The following AKAP7 variants were observed in gnomAD, a reference collection of about 807,000 sequenced individuals.
AKAP7 encodes the protein A-kinase anchoring protein 7.
In AKAP7, 39 loss-of-function variants were observed where a neutral mutation model predicts 39.5. The ratio of observed to expected loss-of-function variants is 0.99; its 90% CI spans 0.76 to 1.29. The LOEUF (loss-of-function observed/expected upper bound fraction) is 1.29, where lower values mean the gene tolerates loss of function less well. AKAP7 is among the 50% of genes most tolerant of loss of function. The pLI is 0.00. For missense variants in AKAP7, 414 were observed against 407.7 expected, an observed-to-expected ratio of 1.02 and a Z score of -0.13; for synonymous variants, 140 against 139.1, an observed-to-expected ratio of 1.01 and a Z score of -0.05.
chr6:131,202,957 T>A (rs1807741839), intron 6 of AKAP7, among the ~76,000 whole-genome samples: 1 of 152,090 alleles, frequency 6.6e-6, no homozygotes, highest in South Asian at 2.1e-4. Context: ...GGTTGAAGCT[T>A]CAGATTTCCA....
At chr6:131,226,613 C>A (rs1810185634) in intron 7 of AKAP7, among the ~76,000 whole-genome samples, 1 of 152,200 alleles carries the variant, frequency 6.6e-6, no homozygotes, top group Admixed American at 6.5e-5. Flanking sequence ...CAGCTGTGTT[C>A]CATTTGTATT....
chr6:131,175,910 T>C (rs896216841), intron 5 of AKAP7, among the ~76,000 whole-genome samples: 18 of 152,146 alleles, frequency 1.2e-4, no homozygotes, highest in African/African-American at 4.1e-4. Context: ...TCATCAAACA[T>C]AGCATAAAAA....
At chr6:131,154,212 A>C (rs623341) in intron 2 of AKAP7, among the ~76,000 whole-genome samples, 40,192 of 151,244 alleles carry the variant, frequency 0.27, 5,813 homozygotes, top group African/African-American at 0.36. Flanking sequence ...CTGCCTCAGA[A>C]AAAAAAAAGT....
chr6:131,238,844 G>T (rs544448408), intron 7 of AKAP7, among the ~76,000 whole-genome samples: 1 of 152,054 alleles, frequency 6.6e-6, no homozygotes, highest in African/African-American at 2.4e-5. Context: ...ACACTGATAG[G>T]TCTTGACTCT....
At position 131,253,191 on chromosome 6, in the gene AKAP7, C is replaced by T. The variant is rs901526551; in HGVS notation, c.851-28339C>T. 2.0e-5 allele frequency: 25 copies of T among 1,263,498 alleles called. No homozygotes were observed. The African/African-American group carries it at 3.0e-4, about 15-fold the overall frequency. 78.3% of individuals were successfully genotyped at this position (1,263,498 alleles called of 1,614,324 possible). On this transcript the variant is annotated intron_variant, in intron 7 of 7. Coordinates refer to ENST00000431975, the MANE Select transcript of AKAP7 (RefSeq NM_016377.4). ...GTGGTGGTGGTAGATAGAAATAATT[C>T]TAATTTAATTGATTTATTAGTGCTA...
At chr6:131,215,872 C>T (rs1470731950) in intron 6 of AKAP7, among the ~76,000 whole-genome samples, 2 of 152,188 alleles carry the variant, frequency 1.3e-5, no homozygotes, top group Non-Finnish European at 2.9e-5. Context: ...TCTTAAATCA[C>T]ATTCTTAATT....
At chr6:131,219,909 C>G in intron 7 of AKAP7, 101 bp downstream of exon 7, 1 of 770,994 alleles carries the variant, frequency 1.3e-6, no homozygotes, top group Non-Finnish European at 1.9e-6. Flanking sequence ...ACGTTTTTCT[C>G]AATGATATAC....
intron 2 of AKAP7, among the ~76,000 whole-genome samples, chr6:131,155,266 G>T (rs1203594928): frequency 1.3e-5 from 2 of 152,132 alleles, no homozygotes; most frequent in Non-Finnish European, 2.9e-5. Context: ...CTCCCACCTA[G>T]GTCTCACAAA....
intron 1 of AKAP7, among the ~76,000 whole-genome samples, chr6:131,143,738 CTTTTTT>C (rs768597844): frequency 2.1e-5 from 3 of 142,832 alleles, no homozygotes; most frequent in Non-Finnish European, 4.6e-5. Context: ...TAGCCATATT[CTTTTTT>C]TTTTTTTATT....
rs374239226 is a variant in AKAP7, at chr6:131,168,444, A to AAG, written c.429-650_429-649dup. The stretch of plus-strand genomic sequence containing the variant: ...AGAGAAAGAGACAGAAGGAGACAGA[A>AAG]AGAGAGAGAGAGAGAGAGAGGGAGA... On this transcript the variant is annotated intron_variant, in intron 4 of 7. Coordinates refer to ENST00000431975, the MANE Select transcript of AKAP7 (RefSeq NM_016377.4). Among the ~76,000 whole-genome samples, 168 of 148,848 alleles carry AAG rather than the reference A, an allele frequency of 1.1e-3. 1 individual carries two copies. The highest frequency in any genetic ancestry group is 0.011 in the Middle Eastern group (3 of 280).
chr6:131,222,435 G>A lies in AKAP7; in HGVS notation c.850+2627G>A, dbSNP rs62424663. ...CCAGCTACTCGGGAGGCTGAGGCAG[G>A]AGAATGGTGTGAATCCAGGAGGCGG... On this transcript the variant is annotated intron_variant, in intron 7 of 7. Transcript: ENST00000431975. 9.0e-3 allele frequency among the ~76,000 whole-genome samples: 1,370 copies of A among 152,226 alleles called. 14 individuals are homozygous for A. Among genetic ancestry groups the A allele is most frequent in the Admixed American group, 0.035 (534 of 15,302 alleles).
intron 7 of AKAP7, among the ~76,000 whole-genome samples, chr6:131,272,544 ATGTTT>A (rs775908839): frequency 3.3e-5 from 5 of 152,194 alleles, no homozygotes; most frequent in South Asian, 2.1e-4. Flanking sequence ...CAAATTTGAT[ATGTTT>A]TGTTTTAATT....
At chr6:131,258,840 C>T (rs1269572356) in intron 7 of AKAP7, among the ~76,000 whole-genome samples, 1 of 152,146 alleles carries the variant, frequency 6.6e-6, no homozygotes, top group Non-Finnish European at 1.5e-5. Context: ...TGAATTTAGT[C>T]AAGAACATTA....
chr6:131,184,755 A>C, intron 5 of AKAP7: 1 of 1,048,790 alleles, frequency 9.5e-7, no homozygotes, highest in Non-Finnish European at 1.5e-6. Context: ...GGGAAACAGG[A>C]GTGGGTGGTT....
chr6:131,222,867 T>C (rs1809829503), intron 7 of AKAP7, among the ~76,000 whole-genome samples: 5 of 152,216 alleles, frequency 3.3e-5, no homozygotes, highest in Admixed American at 3.3e-4. Flanking sequence ...AAATCTTTCA[T>C]GAAAGGAAGA....
chr6:131,144,531 G>A (rs1252949356), intron 1 of AKAP7, among the ~76,000 whole-genome samples: 1 of 152,134 alleles, frequency 6.6e-6, no homozygotes, highest in Non-Finnish European at 1.5e-5. Flanking sequence ...TGTCAATAAA[G>A]GCATGGGTTA....
At chr6:131,264,416 C>T (rs940942959) in intron 7 of AKAP7, among the ~76,000 whole-genome samples, 1 of 152,150 alleles carries the variant, frequency 6.6e-6, no homozygotes, top group South Asian at 2.1e-4. Context: ...CATGGAATAT[C>T]ACTTAGTAGC....
intron 7 of AKAP7, among the ~76,000 whole-genome samples, chr6:131,273,978 C>T (rs764533439): frequency 2.7e-4 from 39 of 144,078 alleles, no homozygotes; most frequent in Non-Finnish European, 3.8e-4. Context: ...CTCGCACTGT[C>T]GCCCAGGCTG....
At chr6:131,155,999 C>T (rs943524839) in intron 2 of AKAP7, among the ~76,000 whole-genome samples, 3 of 152,206 alleles carry the variant, frequency 2.0e-5, no homozygotes, top group Admixed American at 6.5e-5. Context: ...TATTAAGTTA[C>T]TTAATTAAAA....
Sources: gnomAD v4.1 joint callset for allele counts (sites outside exome capture counted in the v4.1 genomes callset) on GRCh38, gnomAD v4.1.1 for gene constraint, MANE v1.5 for transcripts, NCBI Gene and HGNC (gene_info 2026-07-23, HGNC 2026-07-21) for gene names.